The following PARP10 variants were observed in gnomAD, a reference collection of about 807,000 sequenced individuals.
PARP10 encodes the protein poly(ADP-ribose) polymerase family member 10.
In PARP10, 56 loss-of-function variants were observed where a neutral mutation model predicts 82.4. The observed-to-expected ratio is 0.68, with a 90% CI of 0.55 to 0.85. PARP10 has a LOEUF of 0.85. Among genes scored for constraint, PARP10 ranks in the 40% least tolerant of loss-of-function variants. The pLI is 0.00. For missense variants in PARP10, 1,227 were observed against 1,379.4 expected (o/e 0.89, Z 1.75); for synonymous variants, 576 against 601.1 (o/e 0.96, Z 0.61).
At chr8:143,994,339 C>T (rs924284681), upstream of PARP10, among the ~76,000 whole-genome samples, 1 of 152,208 alleles carries the variant, frequency 6.6e-6, no homozygotes, top group African/African-American at 2.4e-5. Flanking sequence ...CCCCGCTTCC[C>T]TCTCCCTCCC....
chr8:143,981,226 G>C (rs1833840984), intron 9 of PARP10, among the ~76,000 whole-genome samples: 1 of 152,216 alleles, frequency 6.6e-6, no homozygotes, highest in Admixed American at 6.5e-5. Context: ...GCGGTGAGCG[G>C]TGACGGTGTG....
chr8:143,986,122 T>G lies in PARP10; in HGVS notation c.114A>C (p.Gly38=), dbSNP rs782709166. 1 of 1,613,876 alleles carries G rather than the reference T, an allele frequency of 6.2e-7. No homozygotes were observed. The highest frequency in any genetic ancestry group is 2.2e-5 in the East Asian group (1 of 44,888). The part of the protein sequence containing the change: ...TLYFENRRRS[G]GGPVLSWQRL... ...TCTGCCAGCTCAACACAGGTCCCCC[T>G]CCAGAGCGTCGGCGGTTTTCAAAGT... The change falls in exon 2 of 11, where the codon GGA becomes GGC. Residue 38 remains glycine, a synonymous_variant. Transcript: ENST00000313028.
chr8:143,980,542 T>C (rs977281022), intron 9 of PARP10, among the ~76,000 whole-genome samples: 3 of 149,616 alleles, frequency 2.0e-5, no homozygotes, highest in Admixed American at 1.3e-4. Flanking sequence ...TATATATAAA[T>C]GTATATATTA....
upstream of PARP10, chr8:143,992,808 C>T: frequency 1.2e-6 from 2 of 1,613,808 alleles, no homozygotes; most frequent in Middle Eastern, 1.7e-4. Flanking sequence ...TCTTCCTGTA[C>T]ATCCTCACCA....
At chr8:143,991,016 GC>G (rs1395000164), upstream of PARP10, 5 of 389,874 alleles carry the variant, frequency 1.3e-5, no homozygotes, top group Non-Finnish European at 2.3e-5. Flanking sequence ...CCACGGCGCC[GC>G]CCGTCCGGTC....
In PARP10 at chr8:143,985,242, C is replaced by T. The variant is rs782203465; in HGVS notation, c.760G>A (p.Glu254Lys). The T allele has an allele frequency of 3.1e-6, 5 of 1,614,090 alleles. No individual in the cohort carries two copies. The highest frequency in any genetic ancestry group is 1.1e-5 in the South Asian group (1 of 91,084). ...CCTCCACTGGTGTTCTCAGCCAGCT[C>T]CTCGGGCTCCAGGATGTCGTAGTGG... ...VPHYDILEPE[E>K]LAENTSGGDH... Residue 254 changes from glutamate to lysine, a missense_variant, in exon 5 of 11, where the codon GAG becomes AAG. Glu to Lys is a moderately conservative substitution (Grantham distance 56). Transcript: ENST00000313028.
chr8:143,987,876 G>A (rs1834019436), upstream of PARP10, among the ~76,000 whole-genome samples: 1 of 150,312 alleles, frequency 6.7e-6, no homozygotes, highest in Non-Finnish European at 1.5e-5. Flanking sequence ...AGGTGATAGA[G>A]TGAGACTCTG....
chr8:143,991,000 A>C, upstream of PARP10: 31 of 359,410 alleles, frequency 8.6e-5, no homozygotes, highest in East Asian at 1.4e-4. This position sits in a 1 kb window ranked among gnomAD's most constrained non-coding sequence, Gnocchi z 5.6. Flanking sequence ...GAGCCCTGGG[A>C]AGGCCCCACG....
chr8:143,995,564 A>G (rs1468695859), upstream of PARP10, among the ~76,000 whole-genome samples: 1 of 152,112 alleles, frequency 6.6e-6, no homozygotes, highest in Non-Finnish European at 1.5e-5. Context: ...AGCAATTGTG[A>G]GGCCACCACA....
Position 143,984,020 on chromosome 8 carries a change from C to T in PARP10, c.1765G>A (p.Asp589Asn). The change falls in exon 7 of 11, where the codon GAC (aspartate) becomes AAC (asparagine). Residue 589 changes from aspartate to asparagine, a missense_variant. Asp to Asn is a conservative substitution (Grantham distance 23, BLOSUM62 1). Coordinates refer to ENST00000313028, the MANE Select transcript of PARP10 (RefSeq NM_032789.5). ...TPDSTGGDQEDVSLEEVRELL... is the reference protein window; with the variant it reads ...TPDSTGGDQENVSLEEVRELL... ...CAGGGAGCCCTACCCAGGCTCACGT[C>T]CTCCTGGTCACCACCTGTACTGTCT... 6.6e-7 allele frequency: 1 copy of T among 1,518,492 alleles called. No individual in the cohort carries two copies. 94.1% of individuals were successfully genotyped at this position (1,518,492 alleles called of 1,614,324 possible).
chr8:144,003,048 A>T (rs1834212772), intron 1 of PARP10, among the ~76,000 whole-genome samples: 1 of 152,242 alleles, frequency 6.6e-6, no homozygotes, highest in Non-Finnish European at 1.5e-5. Context: ...GATTTTTAAA[A>T]TAAATATGGA....
chr8:144,003,380 G>C (rs1329759157), intron 1 of PARP10, among the ~76,000 whole-genome samples: 1 of 140,038 alleles, frequency 7.1e-6, no homozygotes, highest in African/African-American at 2.7e-5. Context: ...CCAAGATTGA[G>C]ATTGCGCCAC....
In PARP10 at chr8:143,986,215, T is replaced by C. The variant is rs781903498; in HGVS notation, c.21A>G (p.Ala7=). 1 of 1,614,002 alleles carries C rather than the reference T, an allele frequency of 6.2e-7. No homozygotes were observed. Among genetic ancestry groups the C allele is most frequent in the Non-Finnish European group, 8.5e-7 (1 of 1,179,940 alleles). ...GGACCTCCACTGCCACCCCTGCCTCTGCCTCCGCCATTGCAACCCTGGGAC... is the reference window on the plus strand; with the variant it reads ...GGACCTCCACTGCCACCCCTGCCTCCGCCTCCGCCATTGCAACCCTGGGAC... MVAMAE[A]EAGVAVEVRG... Residue 7 remains alanine, a synonymous_variant, in exon 2 of 11, where the codon GCA becomes GCG. Transcript: ENST00000313028.
chr8:144,012,459 G>A, intron 1 of PARP10: 1 of 1,489,694 alleles, frequency 6.7e-7, no homozygotes, highest in Non-Finnish European at 9.2e-7. Context: ...GGGGCCCTGG[G>A]CAGCCTCCAG....
chr8:143,987,514 G>T (rs1365423391), upstream of PARP10, among the ~76,000 whole-genome samples: 3 of 152,222 alleles, frequency 2.0e-5, no homozygotes, highest in Non-Finnish European at 1.5e-5. Context: ...CTCCCATGGT[G>T]GGTCCTCAAC....
At position 143,985,527 on chromosome 8, in the gene PARP10, C is replaced by T; in HGVS notation, c.558G>A (p.Leu186=). 6.2e-7 allele frequency: 1 copy of T among 1,614,044 alleles called. No homozygotes were observed. Among genetic ancestry groups the T allele is most frequent in the South Asian group, 1.1e-5 (1 of 91,088 alleles). Residue 186 remains leucine (L), a synonymous_variant, in exon 4 of 11, where the codon CTG becomes CTA. Transcript: ENST00000313028. ...RVVGDGASVD[L]LLLELYLENE... ...TCTCCAGGTACAACTCCAGCAACAG[C>T]AGGTCCACAGAGGCACCATCCCCCA...
rs1834167292 is a variant in PARP10 at position 143,996,727 on chromosome 8, G to A, written c.-79-10289C>T. Among the ~76,000 whole-genome samples the A allele has an allele frequency of 2.0e-5, 3 of 152,336 alleles. No individual in the cohort carries two copies. The South Asian group carries it at 6.2e-4, about 32-fold the overall frequency. On this transcript the variant is annotated intron_variant, in intron 1 of 3. Coordinates refer to the PARP10 transcript ENST00000530478. The stretch of plus-strand genomic sequence containing the variant: ...GGACCTTGGCTCAACGTCAGCATCT[G>A]AGGAGTGCAGAGAGCAACATTAAAG...
chr8:143,985,682 C>T (rs782210980), intron 3 of PARP10, 34 bp from the exon 4 acceptor site: 1 of 1,601,356 alleles, frequency 6.2e-7, no homozygotes, highest in Non-Finnish European at 8.5e-7. Flanking sequence ...TCAGGGAATC[C>T]CCCCTAGCCA....
chr8:143,992,230 G>C (rs1420192142), upstream of PARP10: 6 of 1,604,184 alleles, frequency 3.7e-6, no homozygotes, highest in Non-Finnish European at 5.1e-6. Flanking sequence ...GTCAGCCTGT[G>C]TCTCCCAACT....
Sources: allele counts gnomAD v4.1 joint callset (sites outside exome capture counted in the v4.1 genomes callset), GRCh38; gene constraint gnomAD v4.1.1; non-coding constraint Gnocchi (gnomAD v3.1); transcripts MANE v1.5; gene names NCBI Gene and HGNC (gene_info 2026-07-23, HGNC 2026-07-21).